Variants in STAT4 observed in about 807,000 individuals in gnomAD.
The protein encoded by STAT4 is signal transducer and activator of transcription 4.
In STAT4, 42 loss-of-function variants were observed where a neutral mutation model predicts 110.5. That is an observed-to-expected ratio of 0.38 (90% confidence interval 0.30 to 0.49). The LOEUF (loss-of-function observed/expected upper bound fraction) is 0.49. STAT4 is among the 20% of genes least tolerant of loss of function. STAT4 has a pLI of 0.95. For synonymous variants in STAT4, 284 were observed against 302.2 expected (o/e 0.94, Z 0.63); for missense variants, 632 against 887.9 (o/e 0.71, Z 3.66).
intron 3 of STAT4, chr2:191,132,004 C>A: frequency 8.3e-7 from 1 of 1,202,130 alleles, no homozygotes. Context: ...ACACGCCATT[C>A]ATTCCACACT....
rs1697343474 is a variant in STAT4, at chr2:191,077,316, G to T, written c.274-991C>A. Among the ~76,000 whole-genome samples, 1 of 152,140 alleles carries T rather than the reference G, an allele frequency of 6.6e-6. No homozygotes were observed. Among genetic ancestry groups the T allele is most frequent in the African/African-American group, 2.4e-5 (1 of 41,428 alleles). On this transcript the variant is annotated intron_variant, in intron 3 of 23. Coordinates refer to ENST00000392320, the MANE Select transcript of STAT4 (RefSeq NM_003151.4). This position sits in a 1 kb window ranked among gnomAD's most constrained non-coding sequence, Gnocchi z 4.1. ...TCCCAAGCACTCATTTACCTTACCT[G>T]CAAGGCCTCTGTAGGTGTCTGAGTT...
At chr2:191,088,136 T>C (rs1239571638) in intron 3 of STAT4, among the ~76,000 whole-genome samples, 1 of 152,152 alleles carries the variant, frequency 6.6e-6, no homozygotes, top group Admixed American at 6.6e-5. Context: ...CATGTGTCCA[T>C]AGACACAGTG....
At chr2:191,085,171 TG>T (rs1429231924) in intron 3 of STAT4, among the ~76,000 whole-genome samples, 2 of 151,920 alleles carry the variant, frequency 1.3e-5, no homozygotes, top group Non-Finnish European at 2.9e-5. Flanking sequence ...TCTGCTCTTT[TG>T]AAATCTTTGA....
At chr2:191,045,924 C>A (rs759182354) in intron 14 of STAT4, among the ~76,000 whole-genome samples, 2 of 152,206 alleles carry the variant, frequency 1.3e-5, no homozygotes, top group East Asian at 1.9e-4. Context: ...TCTTCCTCAG[C>A]CCCTTTATGT....
chr2:191,034,945 A>T (rs898863600), intron 17 of STAT4, among the ~76,000 whole-genome samples: 7 of 152,220 alleles, frequency 4.6e-5, no homozygotes, highest in African/African-American at 1.7e-4. Context: ...GACATGGAGA[A>T]GGCTCACGTT....
intron 3 of STAT4, among the ~76,000 whole-genome samples, chr2:191,080,916 A>C (rs1235313172): frequency 6.6e-6 from 1 of 152,184 alleles, no homozygotes; most frequent in Non-Finnish European, 1.5e-5. Context: ...ATAGGTATAC[A>C]TGTGCCATGA....
chr2:191,066,286 TG>T lies in STAT4; in HGVS notation c.630+143del. 1.4e-6 allele frequency: 1 copy of T among 698,412 alleles called. No individual in the cohort carries two copies. Among genetic ancestry groups the T allele is most frequent in the Non-Finnish European group, 2.4e-6 (1 of 410,898 alleles). The allele number at this position is 698,412 out of a possible 1,614,324, so 43.3% of individuals were successfully genotyped here. Reference sequence around the variant, plus strand: ...ATGAAGAGAAGCATGGCAAACAGCGTGGGACTGTTCCTAGAAACCTTGCCGT... The same window carrying T: ...ATGAAGAGAAGCATGGCAAACAGCGTGGACTGTTCCTAGAAACCTTGCCGT... On this transcript the variant is annotated intron_variant, in intron 7 of 23. Coordinates refer to ENST00000392320, the MANE Select transcript of STAT4 (RefSeq NM_003151.4). The surrounding 1 kb of genome is among the most constrained non-coding windows in gnomAD (Gnocchi z 4.3).
intron 14 of STAT4, among the ~76,000 whole-genome samples, chr2:191,049,869 T>C (rs1696471507): frequency 6.6e-6 from 1 of 152,226 alleles, no homozygotes; most frequent in Non-Finnish European, 1.5e-5. Context: ...AATATTTTTG[T>C]ACAATTTCTC....
chr2:191,065,387 G>T (rs1696960972), intron 7 of STAT4, among the ~76,000 whole-genome samples: 1 of 151,994 alleles, frequency 6.6e-6, no homozygotes, highest in South Asian at 2.1e-4. Context: ...ACTTTTTCTG[G>T]GTTTTGGGAG....
intron 3 of STAT4, among the ~76,000 whole-genome samples, chr2:191,087,473 GA>G (rs1413857352): frequency 2.0e-5 from 3 of 152,110 alleles, no homozygotes; most frequent in African/African-American, 7.2e-5. Context: ...CATCTGTAGA[GA>G]ATCTCCATTA....
chr2:191,092,680 C>T (rs1163683634), intron 3 of STAT4, among the ~76,000 whole-genome samples: 1 of 152,142 alleles, frequency 6.6e-6, no homozygotes, highest in Non-Finnish European at 1.5e-5. Context: ...CCTGGTTCAT[C>T]TCATTGGGAC....
At chr2:191,047,814 C>A (rs12465689) in intron 14 of STAT4, among the ~76,000 whole-genome samples, 4 of 151,780 alleles carry the variant, frequency 2.6e-5, no homozygotes, top group African/African-American at 9.7e-5. Context: ...TATGGGCGTG[C>A]GCCATTATGC....
chr2:191,094,246 A>G (rs1317591878), intron 3 of STAT4, among the ~76,000 whole-genome samples: 1 of 152,220 alleles, frequency 6.6e-6, no homozygotes, highest in Non-Finnish European at 1.5e-5. Context: ...GAACGCCACA[A>G]AGATACTCCT....
rs1381422972 is a variant in STAT4 at position 191,146,747 on chromosome 2, A to C, written c.139T>G (p.Ser47Ala). 1 of 1,550,126 alleles carries C rather than the reference A, an allele frequency of 6.5e-7. No individual in the cohort carries two copies. Among genetic ancestry groups the C allele is most frequent in the African/African-American group, 1.4e-5 (1 of 71,612 alleles). Residue 47 changes from serine (S) to alanine (A), a missense_variant, in exon 3 of 24, where the codon TCT becomes GCT. By Grantham distance (99) the Ser-to-Ala change is moderately conservative. Transcript: ENST00000392320. The surrounding 1 kb of genome is among the most constrained non-coding windows in gnomAD (Gnocchi z 4.5). ...WIENQDWEAA[S>A]NNETMATILL... ...ATCGTTGCCATGGTTTCATTGTTAGAAGCTGCCTCCCTAAAAAAAAAAAGG... is the reference window on the plus strand; with the variant it reads ...ATCGTTGCCATGGTTTCATTGTTAGCAGCTGCCTCCCTAAAAAAAAAAAGG...
At chr2:191,092,587 G>A (rs1239692199) in intron 3 of STAT4, among the ~76,000 whole-genome samples, 2 of 152,050 alleles carry the variant, frequency 1.3e-5, no homozygotes, top group African/African-American at 4.8e-5. Context: ...GTTCCAAGAT[G>A]GCTGAATAGG....
At chr2:191,063,265 T>C (rs1447015963) in intron 8 of STAT4, among the ~76,000 whole-genome samples, 2 of 152,126 alleles carry the variant, frequency 1.3e-5, no homozygotes. Flanking sequence ...AATGTGGCGC[T>C]CACTAAAGGG....
At position 191,099,410 on chromosome 2, in the gene STAT4, C is replaced by T. The variant is rs755261164; in HGVS notation, c.274-23085G>A. On this transcript the variant is annotated intron_variant, in intron 3 of 23. Coordinates refer to ENST00000392320, the MANE Select transcript of STAT4 (RefSeq NM_003151.4). This position sits in a 1 kb window ranked among gnomAD's most constrained non-coding sequence, Gnocchi z 4.1. ...GCCCATAATAATATATGTACAAGAT[C>T]GTTTGTTTCAATCCTGTTTATAGTG... 1.3e-5 allele frequency among the ~76,000 whole-genome samples: 2 copies of T among 152,112 alleles called. No homozygotes were observed. The highest frequency in any genetic ancestry group is 4.8e-5 in the African/African-American group (2 of 41,536).
rs1698309985 is a variant in STAT4, at chr2:191,107,345, A to G, written c.274-31020T>C. ...TCCTGCCTGTTAACAATCTTAAAGA[A>G]AAATATTCATAAAATAATATTTATT... On this transcript the variant is annotated intron_variant, in intron 3 of 23. Transcript: ENST00000392320. The surrounding 1 kb of genome is among the most constrained non-coding windows in gnomAD (Gnocchi z 4.2). Among the ~76,000 whole-genome samples, 1 of 152,210 alleles carries G rather than the reference A, an allele frequency of 6.6e-6. No homozygotes were observed. Among genetic ancestry groups the G allele is most frequent in the Non-Finnish European group, 1.5e-5 (1 of 68,034 alleles).
chr2:191,124,129 A>G (rs1311184178), intron 3 of STAT4, among the ~76,000 whole-genome samples: 3 of 152,148 alleles, frequency 2.0e-5, no homozygotes, highest in Non-Finnish European at 4.4e-5. Flanking sequence ...CAATATTCAT[A>G]TTTTCAATGT....
Sources: gnomAD v4.1 joint callset for allele counts (sites outside exome capture counted in the v4.1 genomes callset) on GRCh38, gnomAD v4.1.1 for gene constraint, Gnocchi (gnomAD v3.1) non-coding constraint, MANE v1.5 for transcripts, NCBI Gene and HGNC (gene_info 2026-07-23, HGNC 2026-07-21) for gene names.